ZBTB20: variants seen among roughly 807,000 people sequenced by gnomAD.
ZBTB20 encodes the protein zinc finger and BTB domain-containing protein 20.
ZBTB20 carries 9 observed loss-of-function variants against 56.9 expected under a neutral mutation model. That is an observed-to-expected ratio of 0.16 (90% confidence interval 0.10 to 0.28). The LOEUF (loss-of-function observed/expected upper bound fraction) is 0.28. Among genes scored for constraint, ZBTB20 ranks in the 10% least tolerant of loss-of-function variants. The pLI is 1.00. For synonymous variants in ZBTB20, 417 were observed against 420.7 expected, an observed-to-expected ratio of 0.99 and a Z score of 0.11; for missense variants, 655 against 1,003.0, an observed-to-expected ratio of 0.65 and a Z score of 4.69.
chr3:114,766,032 C>T (rs953990981), intron 5 of ZBTB20, among the ~76,000 whole-genome samples: 2 of 151,988 alleles, frequency 1.3e-5, no homozygotes, highest in Non-Finnish European at 2.9e-5. Context: ...ATGGATGAAA[C>T]GGTTACAAAG....
chr3:114,919,915 G>A (rs2075892689), intron 3 of ZBTB20, among the ~76,000 whole-genome samples: 1 of 152,126 alleles, frequency 6.6e-6, no homozygotes, highest in South Asian at 2.1e-4. Flanking sequence ...GAGCCAAAAA[G>A]TGAAGACATG....
intron 10 of ZBTB20, among the ~76,000 whole-genome samples, chr3:114,370,141 T>C (rs1255251658): frequency 6.6e-6 from 1 of 152,212 alleles, no homozygotes; most frequent in East Asian, 1.9e-4. Context: ...AAATGGAAGA[T>C]CTAATTCCTT....
chr3:114,489,749 T>C lies in ZBTB20; in HGVS notation c.-255+10603A>G, dbSNP rs1379694001. On this transcript the variant is annotated intron_variant, in intron 7 of 11. Coordinates refer to ENST00000675478, the MANE Select transcript of ZBTB20 (RefSeq NM_001348800.3). ...AAGTAAATATTAAAAAAAAGCTGTT[T>C]TGCTCGACAGCTGCCAAATTTTACC... Among the ~76,000 whole-genome samples, 13 of 152,312 alleles carry C rather than the reference T, an allele frequency of 8.5e-5. No individual in the cohort carries two copies. The East Asian group carries it at 2.5e-3, about 29-fold the overall frequency.
chr3:115,013,513 C>T (rs899567960), intron 2 of ZBTB20, among the ~76,000 whole-genome samples: 1 of 151,608 alleles, frequency 6.6e-6, no homozygotes, highest in Admixed American at 6.6e-5. Context: ...AGACCAATAA[C>T]AAGTAATGAG....
intron 7 of ZBTB20, among the ~76,000 whole-genome samples, chr3:114,436,370 C>G (rs1364524820): frequency 6.6e-6 from 1 of 152,142 alleles, no homozygotes; most frequent in Non-Finnish European, 1.5e-5. Flanking sequence ...AAACTCAGCT[C>G]TGCTGTTGAG....
intron 6 of ZBTB20, among the ~76,000 whole-genome samples, chr3:114,664,413 A>G (rs1245701228): frequency 6.6e-6 from 1 of 152,156 alleles, no homozygotes; most frequent in East Asian, 1.9e-4. Context: ...ATTAAACAAT[A>G]TTGGAGTTTA....
At chr3:115,142,255 T>C (rs560345771) in intron 1 of ZBTB20, among the ~76,000 whole-genome samples, 20 of 152,312 alleles carry the variant, frequency 1.3e-4, no homozygotes, top group African/African-American at 4.3e-4. Context: ...TTTATAAATA[T>C]ATACTCACAC....
At chr3:114,930,439 G>A (rs17628822) in intron 3 of ZBTB20, 11,639 of 152,368 alleles carry the variant, frequency 0.076, 637 homozygotes, top group Non-Finnish European at 0.12. Flanking sequence ...CAGGAGCGGC[G>A]AGCGGAACCC....
intron 6 of ZBTB20, among the ~76,000 whole-genome samples, chr3:114,614,295 G>A (rs1242492852): frequency 6.6e-6 from 1 of 152,124 alleles, no homozygotes; most frequent in Admixed American, 6.5e-5. Context: ...GAGTATTGGG[G>A]TAACATATAT....
At chr3:114,919,508 C>T (rs987390709) in intron 3 of ZBTB20, among the ~76,000 whole-genome samples, 2 of 152,002 alleles carry the variant, frequency 1.3e-5, no homozygotes, top group Admixed American at 6.5e-5. Flanking sequence ...GAGTTCGAGA[C>T]CATCCTGGCC....
intron 2 of ZBTB20, among the ~76,000 whole-genome samples, chr3:115,060,404 G>A (rs541791630): frequency 4.3e-4 from 66 of 152,006 alleles, no homozygotes; most frequent in Non-Finnish European, 8.4e-4. Flanking sequence ...AACCCTATCC[G>A]TAATTCCATT....
Position 114,326,795 on chromosome 3 carries a change from G to A in ZBTB20, c.*12210C>T, listed in dbSNP as rs2079079055. On this transcript the variant is annotated 3_prime_UTR_variant, in exon 12 of 12. Transcript: ENST00000675478. ...CTACCATGTTTCACTTTCTTTGAAG[G>A]AATTGCATCTATGCACACTTATCCT... is the stretch of plus-strand genomic sequence containing the variant. 6.6e-6 allele frequency: 1 copy of A among 152,138 alleles called. No individual in the cohort carries two copies. The highest frequency in any genetic ancestry group is 2.4e-5 in the African/African-American group (1 of 41,432). 9.4% of individuals were successfully genotyped at this position (152,138 alleles called of 1,614,324 possible). A position where few individuals can be genotyped will look rare whatever the true frequency, so the allele number is the denominator to read the frequency against.
intron 6 of ZBTB20, among the ~76,000 whole-genome samples, chr3:114,624,511 C>T (rs1032268092): frequency 4.6e-5 from 7 of 152,128 alleles, no homozygotes; most frequent in Non-Finnish European, 8.8e-5. Context: ...GAAAGGAGAA[C>T]AAAACAGAAC....
intron 5 of ZBTB20, among the ~76,000 whole-genome samples, chr3:114,798,917 A>G (rs147388009): frequency 2.0e-5 from 3 of 152,048 alleles, no homozygotes; most frequent in Non-Finnish European, 2.9e-5. Flanking sequence ...ATAAAAATGA[A>G]AGAATCCCTT....
intron 3 of ZBTB20, among the ~76,000 whole-genome samples, chr3:114,962,739 A>G (rs1162344548): frequency 6.6e-6 from 1 of 152,154 alleles, no homozygotes; most frequent in Non-Finnish European, 1.5e-5. Flanking sequence ...TGACAAACCA[A>G]AAAACATTTA....
chr3:114,786,736 A>C (rs1214955711), intron 5 of ZBTB20, among the ~76,000 whole-genome samples: 2 of 152,026 alleles, frequency 1.3e-5, no homozygotes, highest in Non-Finnish European at 2.9e-5. Context: ...AAGTATTTCC[A>C]TTACACACCT....
chr3:115,036,086 G>T (rs2080906261), intron 2 of ZBTB20, among the ~76,000 whole-genome samples: 1 of 152,016 alleles, frequency 6.6e-6, no homozygotes, highest in African/African-American at 2.4e-5. Flanking sequence ...GAAAAATGAG[G>T]AGTTGTTCTT....
At chr3:114,496,018 A>AT (rs968022986) in intron 7 of ZBTB20, among the ~76,000 whole-genome samples, 149 of 148,758 alleles carry the variant, frequency 1.0e-3, no homozygotes, top group East Asian at 1.8e-3. Context: ...GAGCAAGTTG[A>AT]TTTTTTTTTT....
chr3:114,718,603 G>A (rs2064680492), intron 5 of ZBTB20, among the ~76,000 whole-genome samples: 1 of 151,966 alleles, frequency 6.6e-6, no homozygotes, highest in Non-Finnish European at 1.5e-5. Context: ...GATAATCAAA[G>A]CCAAAATATA....
Sources: allele counts gnomAD v4.1 joint callset (sites outside exome capture counted in the v4.1 genomes callset), GRCh38; gene constraint gnomAD v4.1.1; transcripts MANE v1.5; gene names NCBI Gene and HGNC (gene_info 2026-07-23, HGNC 2026-07-21).